The following ATP8A2 variants were observed in gnomAD, a reference collection of about 807,000 sequenced individuals.
The protein encoded by ATP8A2 is phospholipid-transporting ATPase IB.
ATP8A2 carries 100 observed loss-of-function variants against 165.6 expected under a neutral mutation model. The observed-to-expected ratio is 0.60, with a 90% confidence interval of 0.51 to 0.71. The LOEUF (loss-of-function observed/expected upper bound fraction) is 0.71, where lower values mean the gene tolerates loss of function less well. Ranked by LOEUF, ATP8A2 falls within the 30% of genes least tolerant of loss-of-function variation. ATP8A2 has a pLI of 0.00. For synonymous variants in ATP8A2, 543 were observed against 548.8 expected (o/e 0.99, Z 0.15); for missense variants, 1,227 against 1,479.5 (o/e 0.83, Z 2.80).
At chr13:25,392,005 G>A (rs1437283030) in intron 1 of ATP8A2, among the ~76,000 whole-genome samples, 1 of 152,226 alleles carries the variant, frequency 6.6e-6, no homozygotes, top group Non-Finnish European at 1.5e-5. Context: ...GGCAAAGGCA[G>A]CCAATTTGTC....
chr13:25,700,433 C>T (rs929904420), intron 25 of ATP8A2, among the ~76,000 whole-genome samples: 3 of 152,158 alleles, frequency 2.0e-5, no homozygotes, highest in Non-Finnish European at 4.4e-5. Flanking sequence ...TTCCTGCACG[C>T]CTTCACCCCC....
chr13:25,998,765 A>C (rs1442505044), intron 35 of ATP8A2, among the ~76,000 whole-genome samples: 3 of 152,188 alleles, frequency 2.0e-5, no homozygotes, highest in Non-Finnish European at 4.4e-5. Context: ...TATTAGGGTT[A>C]GTTAACCTTG....
chr13:25,427,118 A>T (rs560893584), intron 1 of ATP8A2, among the ~76,000 whole-genome samples: 1 of 152,320 alleles, frequency 6.6e-6, no homozygotes, highest in African/African-American at 2.4e-5. Flanking sequence ...CAGGCTGCAG[A>T]GCAGGAAGTG....
rs189357793 is a variant in ATP8A2 at position 25,862,552 on chromosome 13, C to T, written c.3183+144C>T. ...CCTTCCTGCTTCCATCAGAATCTAT[C>T]AGGAGATAAACCAAACCAAAGCACC... On this transcript the variant is annotated intron_variant, in intron 33 of 36. Coordinates refer to ENST00000381655, the MANE Select transcript of ATP8A2 (RefSeq NM_016529.6). The T allele has an allele frequency of 1.8e-3, 1,137 of 645,580 alleles. 3 individuals carry two copies. The highest frequency in any genetic ancestry group is 5.2e-3 in the Admixed American group (229 of 43,706). 40.0% of individuals were successfully genotyped at this position (645,580 alleles called of 1,614,324 possible). A position where few individuals can be genotyped will look rare whatever the true frequency, so the allele number is the denominator to read the frequency against.
At chr13:25,395,853 C>CTTTT (rs1166099039) in intron 1 of ATP8A2, among the ~76,000 whole-genome samples, 3 of 146,958 alleles carry the variant, frequency 2.0e-5, no homozygotes, top group Non-Finnish European at 4.5e-5. Flanking sequence ...ATTTTTCTTT[C>CTTTT]TTTTTTTTTT....
chr13:25,735,237 T>C (rs1037854642), intron 25 of ATP8A2, among the ~76,000 whole-genome samples: 1 of 152,088 alleles, frequency 6.6e-6, no homozygotes, highest in East Asian at 1.9e-4. Context: ...TCGAGGACAC[T>C]GAAGGAGAAA....
intron 1 of ATP8A2, among the ~76,000 whole-genome samples, chr13:25,382,993 G>A (rs1284931842): frequency 3.4e-5 from 5 of 147,534 alleles, no homozygotes; most frequent in African/African-American, 1.0e-4. Context: ...CTGACTTCGT[G>A]ATCTGCCCAC....
intron 24 of ATP8A2, among the ~76,000 whole-genome samples, chr13:25,640,249 A>C (rs1183290974): frequency 1.3e-5 from 2 of 152,310 alleles, no homozygotes; most frequent in East Asian, 3.9e-4. Flanking sequence ...GAAATAACTA[A>C]GATCAGAGCA....
chr13:26,025,118 A>AC lies in ATP8A2; in HGVS notation c.*5133_*5134insC, dbSNP rs1347079955. ...GAATCAATAAACACCAACAACAACA[A>AC]AAAAAAAAAAAAAAAAAAAGGAAGA... is the stretch of plus-strand genomic sequence containing the variant. On this transcript the variant is annotated 3_prime_UTR_variant, in exon 37 of 37. Transcript: ENST00000381655. 2 of 35,038 alleles carry AC rather than the reference A, an allele frequency of 5.7e-5. No individual in the cohort carries two copies. The highest frequency in any genetic ancestry group is 4.6e-4 in the East Asian group (1 of 2,192). 2.2% of individuals were successfully genotyped at this position (35,038 alleles called of 1,614,324 possible).
chr13:25,453,999 T>G lies in ATP8A2; in HGVS notation c.77-14978T>G, dbSNP rs2035296115. Among the ~76,000 whole-genome samples, 4 of 151,982 alleles carry G rather than the reference T, an allele frequency of 2.6e-5. 1 individual carries two copies. The South Asian group carries it at 8.3e-4, about 32-fold the overall frequency. On this transcript the variant is annotated intron_variant, in intron 1 of 36. Coordinates refer to ENST00000381655, the MANE Select transcript of ATP8A2 (RefSeq NM_016529.6). ...GCTGTGGCGGGAGGAAAGGAACTGG[T>G]TTGGTAGTTGGCAGCAAAGAAATAG...
In ATP8A2 at chr13:25,776,706, G is replaced by A. The variant is rs140102522; in HGVS notation, c.2679+1747G>A. The stretch of plus-strand genomic sequence containing the variant: ...TCAAGGTCATGGACGATAGTGTAAA[G>A]AGGTATCGTAGGGTCATGGACCATC... On this transcript the variant is annotated intron_variant, in intron 27 of 36. Coordinates refer to ENST00000381655, the MANE Select transcript of ATP8A2 (RefSeq NM_016529.6). Among the ~76,000 whole-genome samples, 820 of 152,294 alleles carry A rather than the reference G, an allele frequency of 5.4e-3. 4 individuals are homozygous for A. Among genetic ancestry groups the A allele is most frequent in the Middle Eastern group, 0.01 (3 of 294 alleles).
At chr13:25,452,941 A>C (rs2035266946) in intron 1 of ATP8A2, among the ~76,000 whole-genome samples, 1 of 151,480 alleles carries the variant, frequency 6.6e-6, no homozygotes, top group South Asian at 2.1e-4. Context: ...CTAAAAATAC[A>C]AAAATTAGCC....
At chr13:25,633,014 G>A (rs1440277067) in intron 24 of ATP8A2, among the ~76,000 whole-genome samples, 2 of 152,158 alleles carry the variant, frequency 1.3e-5, no homozygotes, top group Non-Finnish European at 2.9e-5. Flanking sequence ...AAACTCCTGA[G>A]TCACGGAAGC....
chr13:25,892,163 G>A (rs1953384020), intron 33 of ATP8A2, among the ~76,000 whole-genome samples: 1 of 151,990 alleles, frequency 6.6e-6, no homozygotes. Context: ...TTTTTTAGTA[G>A]AGGTGAGGTT....
intron 24 of ATP8A2, among the ~76,000 whole-genome samples, chr13:25,695,477 G>A (rs770884015): frequency 2.0e-5 from 3 of 152,174 alleles, no homozygotes; most frequent in Non-Finnish European, 4.4e-5. Context: ...GGCATGTGAT[G>A]CCGTTTGATA....
intron 33 of ATP8A2, among the ~76,000 whole-genome samples, chr13:25,925,259 C>T (rs1049774574): frequency 1.3e-5 from 2 of 152,098 alleles, no homozygotes; most frequent in Admixed American, 6.5e-5. Context: ...GGGGGCAGGG[C>T]GCTGTGGCTC....
At chr13:25,481,668 C>T (rs543296864) in intron 2 of ATP8A2, among the ~76,000 whole-genome samples, 4 of 152,286 alleles carry the variant, frequency 2.6e-5, no homozygotes, top group East Asian at 1.9e-4. Flanking sequence ...AGCAGGTGTT[C>T]GTCTTCTCAT....
At chr13:25,582,239 C>T (rs2039796104) in intron 23 of ATP8A2, among the ~76,000 whole-genome samples, 1 of 152,218 alleles carries the variant, frequency 6.6e-6, no homozygotes, top group Non-Finnish European at 1.5e-5. Flanking sequence ...GCTTTCTTCA[C>T]AAAATTTTAG....
At position 25,750,592 on chromosome 13, in the gene ATP8A2, G is replaced by T. The variant is rs139961997; in HGVS notation, c.2385-18454G>T. On this transcript the variant is annotated intron_variant, in intron 25 of 36. Coordinates refer to ENST00000381655, the MANE Select transcript of ATP8A2 (RefSeq NM_016529.6). The surrounding 1 kb of genome is among the most constrained non-coding windows in gnomAD (Gnocchi z 4.3). ...TACTTTCAGTTCAGCAGGGCCCTTC[G>T]CCCCACCACGTGATGGGATTCTAGA... is the stretch of plus-strand genomic sequence containing the variant. 0.01 allele frequency among the ~76,000 whole-genome samples: 1,583 copies of T among 152,200 alleles called. 35 individuals are homozygous for T. Among genetic ancestry groups the T allele is most frequent in the African/African-American group, 0.036 (1,511 of 41,512 alleles).
Sources: allele counts gnomAD v4.1 joint callset (sites outside exome capture counted in the v4.1 genomes callset), GRCh38; gene constraint gnomAD v4.1.1; non-coding constraint Gnocchi (gnomAD v3.1); transcripts MANE v1.5; gene names NCBI Gene and HGNC (gene_info 2026-07-23, HGNC 2026-07-21).